EPHB1: variants seen among roughly 807,000 people sequenced by gnomAD.
The protein encoded by EPHB1 is ephrin type-B receptor 1.
Under a neutral mutation model 94.4 loss-of-function variants are expected in EPHB1, and 30 were observed. The observed-to-expected ratio is 0.32, with a 90% CI of 0.24 to 0.43. EPHB1 has a LOEUF of 0.43. Among genes scored for constraint, EPHB1 ranks in the 20% least tolerant of loss-of-function variants. EPHB1 has a pLI of 1.00. For synonymous variants in EPHB1, 522 were observed against 489.1 expected (o/e 1.07, Z -0.89); for missense variants, 1,055 against 1,308.3 (o/e 0.81, Z 2.99).
intron 3 of EPHB1, among the ~76,000 whole-genome samples, chr3:135,060,176 CACG>C (rs941129866): frequency 7.2e-5 from 11 of 152,350 alleles, no homozygotes; most frequent in African/African-American, 2.6e-4. Context: ...TTAACAATCA[CACG>C]ACATTTCCAG....
chr3:134,988,112 A>G (rs915853763), intron 3 of EPHB1, among the ~76,000 whole-genome samples: 1 of 152,218 alleles, frequency 6.6e-6, no homozygotes, highest in Non-Finnish European at 1.5e-5. Context: ...GTTGGCATCC[A>G]TTAAGAAGCA....
chr3:135,246,541 A>AACTT (rs1943928609), intron 13 of EPHB1, among the ~76,000 whole-genome samples: 1 of 152,316 alleles, frequency 6.6e-6, no homozygotes, highest in Admixed American at 6.5e-5. Context: ...AAGTATTCAA[A>AACTT]ACTTAAAATC....
At chr3:134,955,071 C>CTTTTTTTTTTTTTTTTTTTTTTT (rs1197013147) in intron 3 of EPHB1, among the ~76,000 whole-genome samples, 4 of 8,416 alleles carry the variant, frequency 4.8e-4, no homozygotes, top group Non-Finnish European at 6.3e-4. Context: ...GACATCCTTT[C>CTTTTTTTTTTTTTTTTTTTTTTT]TTTTTTTTTT....
intron 4 of EPHB1, among the ~76,000 whole-genome samples, chr3:135,124,302 G>A (rs1940105441): frequency 6.6e-6 from 1 of 151,594 alleles, no homozygotes; most frequent in Admixed American, 6.6e-5. Flanking sequence ...ACACCAGCAT[G>A]CTGTCTCCCC....
At chr3:134,797,514 T>C (rs1350429361) in intron 1 of EPHB1, among the ~76,000 whole-genome samples, 4 of 152,142 alleles carry the variant, frequency 2.6e-5, no homozygotes, top group Non-Finnish European at 4.4e-5. Context: ...TCAGAGGAGA[T>C]GGGTGCCCAC....
At chr3:135,093,698 G>C (rs1038612172) in intron 3 of EPHB1, among the ~76,000 whole-genome samples, 1 of 148,972 alleles carries the variant, frequency 6.7e-6, no homozygotes, top group Non-Finnish European at 1.5e-5. Context: ...CTCCAACCTG[G>C]GTAACAGAGT....
chr3:135,046,780 A>T (rs1041572747), intron 3 of EPHB1, among the ~76,000 whole-genome samples: 37 of 152,198 alleles, frequency 2.4e-4, no homozygotes, highest in African/African-American at 8.4e-4. Context: ...CTCCTCTAAC[A>T]TGGGAAATAT....
At chr3:135,062,244 T>G (rs979073125) in intron 3 of EPHB1, among the ~76,000 whole-genome samples, 5 of 152,216 alleles carry the variant, frequency 3.3e-5, no homozygotes, top group African/African-American at 1.2e-4. Flanking sequence ...AGTTCTACTT[T>G]TAGTTATTTA....
chr3:135,250,787 C>G (rs1290435651), intron 15 of EPHB1, among the ~76,000 whole-genome samples: 4 of 152,144 alleles, frequency 2.6e-5, no homozygotes, highest in African/African-American at 7.2e-5. Flanking sequence ...ATTGTGGGAT[C>G]TGGCAGCCTG....
At chr3:134,882,806 C>CTTTCTTTCTTTCT (rs2037780260) in intron 1 of EPHB1, among the ~76,000 whole-genome samples, 2 of 80,932 alleles carry the variant, frequency 2.5e-5, no homozygotes, top group South Asian at 5.3e-4. Flanking sequence ...TTCTTTCTTT[C>CTTTCTTTCTTTCT]TTTCTTTCTT....
chr3:134,978,535 G>A (rs1269509910), intron 3 of EPHB1, among the ~76,000 whole-genome samples: 1 of 151,992 alleles, frequency 6.6e-6, no homozygotes, highest in African/African-American at 2.4e-5. Context: ...GGTCTTTCAT[G>A]CTCCAATGTC....
At chr3:134,848,612 C>G (rs2292659) in intron 1 of EPHB1, among the ~76,000 whole-genome samples, 21,553 of 152,148 alleles carry the variant, frequency 0.14, 1,836 homozygotes, top group African/African-American at 0.24. Flanking sequence ...ATAGAAATAA[C>G]TTTTTATTGC....
intron 3 of EPHB1, among the ~76,000 whole-genome samples, chr3:134,999,611 G>A (rs1935110360): frequency 6.6e-6 from 1 of 152,192 alleles, no homozygotes; most frequent in African/African-American, 2.4e-5. Context: ...TAGTAAAGGA[G>A]GAAGGATCAT....
At chr3:135,127,822 G>T (rs141534395) in intron 4 of EPHB1, among the ~76,000 whole-genome samples, 1 of 152,094 alleles carries the variant, frequency 6.6e-6, no homozygotes, top group Non-Finnish European at 1.5e-5. Context: ...GGTCTAGAAG[G>T]ATCCTGTTTA....
chr3:135,183,021 T>C (rs1942205317), intron 10 of EPHB1, among the ~76,000 whole-genome samples: 1 of 73,376 alleles, frequency 1.4e-5, no homozygotes, highest in Non-Finnish European at 2.8e-5. Context: ...TTTTCTTTTC[T>C]TTTCTTTTCT....
At chr3:135,215,583 C>T (rs1476552359) in intron 12 of EPHB1, among the ~76,000 whole-genome samples, 2 of 152,178 alleles carry the variant, frequency 1.3e-5, no homozygotes, top group Non-Finnish European at 2.9e-5. Context: ...AGCTGATATT[C>T]GCGAAGGAAA....
At chr3:135,103,261 A>T (rs1391449099) in intron 3 of EPHB1, among the ~76,000 whole-genome samples, 1 of 152,218 alleles carries the variant, frequency 6.6e-6, no homozygotes, top group Non-Finnish European at 1.5e-5. Context: ...CTGAGTATTA[A>T]GGAGATTCAT....
At chr3:134,996,866 T>C (rs1935012855) in intron 3 of EPHB1, among the ~76,000 whole-genome samples, 1 of 152,140 alleles carries the variant, frequency 6.6e-6, no homozygotes, top group Non-Finnish European at 1.5e-5. Context: ...CATGTATATT[T>C]CATTTCTTTT....
intron 12 of EPHB1, among the ~76,000 whole-genome samples, chr3:135,219,803 T>C (rs1181049789): frequency 6.6e-6 from 1 of 152,040 alleles, no homozygotes; most frequent in East Asian, 1.9e-4. Context: ...TCTGTAAGAG[T>C]CCTGTGCATT....
Sources: gnomAD v4.1 joint callset for allele counts (sites outside exome capture counted in the v4.1 genomes callset) on GRCh38, gnomAD v4.1.1 for gene constraint, MANE v1.5 for transcripts, NCBI Gene and HGNC (gene_info 2026-07-23, HGNC 2026-07-21) for gene names.